The following NFYC variants were observed in gnomAD, a reference collection of about 807,000 sequenced individuals.
NFYC encodes the protein CAAT box DNA-binding protein subunit C.
A neutral mutation model predicts 53.1 loss-of-function variants in NFYC; 25 were observed. The ratio of observed to expected loss-of-function variants is 0.47; its 90% CI spans 0.34 to 0.66. The LOEUF is 0.66. Ranked by LOEUF, NFYC falls within the 30% of genes least tolerant of loss-of-function variation. The pLI is 0.01. For missense variants in NFYC, 260 were observed against 422.7 expected (o/e 0.62, Z 3.38); for synonymous variants, 145 against 152.6 (o/e 0.95, Z 0.37).
chr1:40,764,802 C>T (rs763881833), intron 7 of NFYC, among the ~76,000 whole-genome samples: 2 of 152,200 alleles, frequency 1.3e-5, no homozygotes, highest in African/African-American at 2.4e-5. Context: ...GGTCCCCAGA[C>T]CTGTCCTGCT....
At chr1:40,710,167 A>C (rs930867478) in intron 1 of NFYC, among the ~76,000 whole-genome samples, 6 of 152,364 alleles carry the variant, frequency 3.9e-5, no homozygotes, top group African/African-American at 1.4e-4. Flanking sequence ...AGTAGTAGTT[A>C]ATGTAGTAAC....
At chr1:40,701,469 T>C (rs1643431481) in intron 1 of NFYC, among the ~76,000 whole-genome samples, 1 of 152,244 alleles carries the variant, frequency 6.6e-6, no homozygotes, top group Non-Finnish European at 1.5e-5. Flanking sequence ...AATGTAATAC[T>C]TTCTGTCAGC....
Position 40,714,599 on chromosome 1 carries a change from T to G in NFYC, c.-9+22732T>G, listed in dbSNP as rs995163462. 3.3e-5 allele frequency among the ~76,000 whole-genome samples: 5 copies of G among 152,282 alleles called. No homozygotes were observed. In the East Asian group the frequency reaches 9.6e-4, roughly 29 times the overall value. ...GATAGAATATATTTCATGTCTACAT[T>G]TCCCAGAAGTTTAGTTTTCTTTCCT... On this transcript the variant is annotated intron_variant, in intron 1 of 9. Transcript: ENST00000447388.
chr1:40,709,820 C>T (rs2148447329), intron 1 of NFYC, among the ~76,000 whole-genome samples: 1 of 152,298 alleles, frequency 6.6e-6, no homozygotes, highest in East Asian at 1.9e-4. Flanking sequence ...AGATCAGGTA[C>T]ATGGAGAAAG....
chr1:40,694,269 C>T (rs1404407617), intron 1 of NFYC, among the ~76,000 whole-genome samples: 2 of 152,198 alleles, frequency 1.3e-5, no homozygotes, highest in African/African-American at 4.8e-5. Flanking sequence ...GATATTGATT[C>T]TAGGATATGC....
intron 4 of NFYC, among the ~76,000 whole-genome samples, chr1:40,751,169 A>G (rs577613436): frequency 2.0e-5 from 3 of 152,344 alleles, no homozygotes; most frequent in African/African-American, 7.2e-5. Context: ...ATTCTGAGGT[A>G]TTGATGAAAT....
At chr1:40,759,412 T>TA (rs1023880116) in intron 6 of NFYC, among the ~76,000 whole-genome samples, 1 of 151,938 alleles carries the variant, frequency 6.6e-6, no homozygotes, top group African/African-American at 2.4e-5. Context: ...GGCATGCTCT[T>TA]ATGGCCCCAG....
At chr1:40,740,787 T>TG (rs1389719239) in intron 2 of NFYC, among the ~76,000 whole-genome samples, 2 of 152,274 alleles carry the variant, frequency 1.3e-5, no homozygotes, top group Admixed American at 1.3e-4. Context: ...TCCTGGGGTG[T>TG]GGTGGGACTA....
intron 1 of NFYC, among the ~76,000 whole-genome samples, chr1:40,707,491 AAAAGAG>A (rs771280318): frequency 2.2e-3 from 235 of 109,188 alleles, no homozygotes; most frequent in Non-Finnish European, 3.7e-3. Context: ...AAAAAAAAAA[AAAAGAG>A]AGAGAGAGAG....
At chr1:40,710,675 A>G (rs1233946150) in intron 1 of NFYC, among the ~76,000 whole-genome samples, 1 of 152,216 alleles carries the variant, frequency 6.6e-6, no homozygotes, top group Non-Finnish European at 1.5e-5. Context: ...AGCAGGCCCT[A>G]TTAGAGGAGA....
chr1:40,753,637 A>G (rs1360651035), intron 5 of NFYC, among the ~76,000 whole-genome samples: 2 of 152,176 alleles, frequency 1.3e-5, no homozygotes, highest in African/African-American at 4.8e-5. Context: ...TGAATGGACT[A>G]TGTTTTCTCT....
At chr1:40,705,912 AT>A (rs1347573874) in intron 1 of NFYC, among the ~76,000 whole-genome samples, 1 of 151,922 alleles carries the variant, frequency 6.6e-6, no homozygotes, top group Admixed American at 6.6e-5. Flanking sequence ...CACCTAGCTA[AT>A]TTTTGTATTT....
intron 1 of NFYC, among the ~76,000 whole-genome samples, chr1:40,718,193 T>TGA (rs1644207449): frequency 6.6e-6 from 1 of 152,206 alleles, no homozygotes; most frequent in Admixed American, 6.5e-5. Flanking sequence ...AGTGTTTATA[T>TGA]GAATAGTACT....
intron 1 of NFYC, chr1:40,709,296 G>C (rs1643863808): frequency 6.6e-6 from 1 of 152,242 alleles, no homozygotes; most frequent in Admixed American, 6.5e-5. Context: ...TGGAGGCAAG[G>C]TTTGGTGTCA....
chr1:40,757,939 T>G (rs1646321148), intron 5 of NFYC, 182 bp from the exon 6 acceptor site: 10 of 640,714 alleles, frequency 1.6e-5, no homozygotes, highest in Non-Finnish European at 2.7e-5. Flanking sequence ...GATCTGTTAT[T>G]TTTAGTTTGA....
intron 1 of NFYC, chr1:40,712,507 G>T (rs1346550096): frequency 6.6e-6 from 1 of 151,890 alleles, no homozygotes; most frequent in African/African-American, 2.4e-5. Context: ...CCAAGCAGAG[G>T]TTACATATTT....
At chr1:40,741,598 T>C (rs1645344930) in intron 2 of NFYC, among the ~76,000 whole-genome samples, 1 of 152,034 alleles carries the variant, frequency 6.6e-6, no homozygotes, top group Non-Finnish European at 1.5e-5. Flanking sequence ...TTTATCTTTT[T>C]TCTTTTTTTT....
At chr1:40,726,139 T>C (rs1644508109) in intron 1 of NFYC, among the ~76,000 whole-genome samples, 1 of 148,712 alleles carries the variant, frequency 6.7e-6, no homozygotes, top group South Asian at 2.1e-4. Flanking sequence ...TTTTTTGAGA[T>C]GGAGTTTCGC....
intron 1 of NFYC, chr1:40,709,535 G>C (rs1027816658): frequency 6.6e-6 from 1 of 152,172 alleles, no homozygotes; most frequent in Non-Finnish European, 1.5e-5. Flanking sequence ...TCCGTCCTTT[G>C]GGGGGTAGGG....
Sources: allele counts gnomAD v4.1 joint callset (sites outside exome capture counted in the v4.1 genomes callset), GRCh38; gene constraint gnomAD v4.1.1; transcripts MANE v1.5; gene names NCBI Gene and HGNC (gene_info 2026-07-23, HGNC 2026-07-21).